CADM2: variants seen among roughly 807,000 people sequenced by gnomAD.
CADM2 encodes the protein immunoglobulin superfamily member 4D.
A neutral mutation model predicts 49.8 loss-of-function variants in CADM2; 12 were observed. The ratio of observed to expected loss-of-function variants is 0.24; its 90% CI spans 0.15 to 0.39. The LOEUF (loss-of-function observed/expected upper bound fraction) is 0.39. Among genes scored for constraint, CADM2 ranks in the 10% least tolerant of loss-of-function variants. The pLI is 1.00. For synonymous variants in CADM2, 214 were observed against 175.4 expected, an observed-to-expected ratio of 1.22 and a Z score of -1.74; for missense variants, 378 against 492.3, an observed-to-expected ratio of 0.77 and a Z score of 2.20.
chr3:85,830,980 C>T (rs188350206), intron 3 of CADM2, among the ~76,000 whole-genome samples: 21 of 151,844 alleles, frequency 1.4e-4, no homozygotes, highest in South Asian at 4.2e-4. Context: ...TTTCAACCCT[C>T]GCTCCCTGCA....
At chr3:85,171,590 C>T (rs1286470758) in intron 1 of CADM2, among the ~76,000 whole-genome samples, 1 of 152,156 alleles carries the variant, frequency 6.6e-6, no homozygotes, top group Non-Finnish European at 1.5e-5. Flanking sequence ...AACTCACTGG[C>T]TTACTGAGGC....
chr3:85,426,753 A>G (rs948948652), intron 1 of CADM2, among the ~76,000 whole-genome samples: 4 of 152,140 alleles, frequency 2.6e-5, no homozygotes, highest in African/African-American at 7.2e-5. Flanking sequence ...AAATTTCCAT[A>G]TGTTTCTGTA....
chr3:85,751,587 G>A (rs961777480), intron 2 of CADM2, among the ~76,000 whole-genome samples: 4 of 152,082 alleles, frequency 2.6e-5, no homozygotes, highest in Admixed American at 1.3e-4. Context: ...CTCAGAGCAC[G>A]TCTTCACATC....
Position 86,055,366 on chromosome 3 carries a change from CT to C in CADM2, c.971-10234del, listed in dbSNP as rs1057323448. Among the ~76,000 whole-genome samples the C allele has an allele frequency of 5.4e-5, 8 of 148,162 alleles. 1 individual carries two copies. The South Asian group carries it at 8.6e-4, about 16-fold the overall frequency. On this transcript the variant is annotated intron_variant, in intron 8 of 9. Transcript: ENST00000383699. The stretch of plus-strand genomic sequence containing the variant: ...AGATTCAATGTTTGGTGAGGGCCTG[CT>C]TTTTGGTTCATAGATAGTGTAGTGT...
intron 1 of CADM2, among the ~76,000 whole-genome samples, chr3:85,698,705 C>A (rs896569170): frequency 6.6e-6 from 1 of 152,116 alleles, no homozygotes; most frequent in African/African-American, 2.4e-5. Flanking sequence ...TCCCGTGATC[C>A]CATCACCTCC....
In CADM2 at chr3:85,901,496, C is replaced by A. The variant is rs188506639; in HGVS notation, c.530-10877C>A. Among the ~76,000 whole-genome samples, 93 of 152,194 alleles carry A rather than the reference C, an allele frequency of 6.1e-4. 1 individual carries two copies. The highest frequency in any genetic ancestry group is 5.8e-3 in the Admixed American group (89 of 15,272). ...AAGTAGTCATTATATAAAAAGTCTT[C>A]CAAGGTAATCTTCCAAGAGAATAAC... On this transcript the variant is annotated intron_variant, in intron 5 of 9. Transcript: ENST00000383699.
intron 1 of CADM2, among the ~76,000 whole-genome samples, chr3:85,305,443 T>G (rs945152537): frequency 6.6e-6 from 1 of 151,656 alleles, no homozygotes; most frequent in Non-Finnish European, 1.5e-5. Flanking sequence ...TAGTAGAAAA[T>G]TAATGCAAGC....
chr3:85,324,119 C>A (rs1559779533), intron 1 of CADM2, among the ~76,000 whole-genome samples: 1 of 151,936 alleles, frequency 6.6e-6, no homozygotes, highest in Non-Finnish European at 1.5e-5. Context: ...CATTATTGGG[C>A]CAATAAAGAA....
chr3:85,462,189 T>A (rs866274292), intron 1 of CADM2, among the ~76,000 whole-genome samples: 8 of 152,166 alleles, frequency 5.3e-5, no homozygotes, highest in African/African-American at 1.9e-4. Context: ...CCCTTGCCAA[T>A]GACTTGCTCC....
intron 1 of CADM2, among the ~76,000 whole-genome samples, chr3:85,161,457 G>A (rs1368397515): frequency 1.3e-5 from 2 of 152,100 alleles, no homozygotes; most frequent in East Asian, 1.9e-4. Context: ...ATGAAGCTCA[G>A]TTACATGTTA....
intron 8 of CADM2, among the ~76,000 whole-genome samples, chr3:86,037,130 TGCTAA>T: frequency 6.6e-6 from 1 of 152,336 alleles, no homozygotes; most frequent in East Asian, 1.9e-4. Flanking sequence ...GTTGCTGTCT[TGCTAA>T]TGTATTGCTT....
intron 1 of CADM2, among the ~76,000 whole-genome samples, chr3:85,222,275 G>A (rs1440158237): frequency 6.6e-6 from 1 of 152,146 alleles, no homozygotes; most frequent in African/African-American, 2.4e-5. Flanking sequence ...GGTTGGTGTT[G>A]AGACCTCATT....
chr3:85,254,365 T>A (rs2042838679), intron 1 of CADM2, among the ~76,000 whole-genome samples: 1 of 151,978 alleles, frequency 6.6e-6, no homozygotes, highest in Non-Finnish European at 1.5e-5. Context: ...TTATGAGGAC[T>A]TCATTGTGTA....
intron 1 of CADM2, among the ~76,000 whole-genome samples, chr3:85,351,557 G>A (rs1576399289): frequency 6.6e-6 from 1 of 152,024 alleles, no homozygotes. Flanking sequence ...AATTTGATCT[G>A]GGAACACTCA....
intron 1 of CADM2, among the ~76,000 whole-genome samples, chr3:85,101,635 TA>T (rs1297531330): frequency 6.6e-6 from 1 of 152,206 alleles, no homozygotes; most frequent in African/African-American, 2.4e-5. Flanking sequence ...AAATATTCTT[TA>T]AAAAAATTCT....
rs1423301195 is a variant in CADM2 at position 85,511,929 on chromosome 3, C to T, written c.62-214593C>T. 9.9e-6 allele frequency: 9 copies of T among 904,822 alleles called. No individual in the cohort carries two copies. The Admixed American group carries it at 3.1e-4, about 31-fold the overall frequency. The allele number at this position is 904,822 out of a possible 1,614,324, so 56.0% of individuals were successfully genotyped here. On this transcript the variant is annotated intron_variant, in intron 1 of 9. Coordinates refer to ENST00000383699, the MANE Select transcript of CADM2 (RefSeq NM_001167675.2). ...ACAAGAAAAAGTGGTGAAATTATAT[C>T]TTATAGCAATGTTCAATATATAAAT...
intron 1 of CADM2, among the ~76,000 whole-genome samples, chr3:85,184,980 A>C (rs903598140): frequency 1.3e-5 from 2 of 152,134 alleles, no homozygotes; most frequent in African/African-American, 2.4e-5. Flanking sequence ...GTACAGACAT[A>C]ATCAGTACTT....
At chr3:85,666,141 A>C (rs546294309) in intron 1 of CADM2, among the ~76,000 whole-genome samples, 1 of 152,184 alleles carries the variant, frequency 6.6e-6, no homozygotes, top group East Asian at 1.9e-4. Flanking sequence ...CCCATTCACA[A>C]TTTCTACAAA....
At chr3:85,715,507 T>C (rs1280400030) in intron 1 of CADM2, among the ~76,000 whole-genome samples, 1 of 152,158 alleles carries the variant, frequency 6.6e-6, no homozygotes, top group Non-Finnish European at 1.5e-5. Context: ...TTGAATTTTT[T>C]GTTTGTTTTT....
Sources: allele counts gnomAD v4.1 joint callset (sites outside exome capture counted in the v4.1 genomes callset), GRCh38; gene constraint gnomAD v4.1.1; transcripts MANE v1.5; gene names NCBI Gene and HGNC (gene_info 2026-07-23, HGNC 2026-07-21).